Variants in ARVCF observed in about 807,000 individuals in gnomAD.
The protein encoded by ARVCF is splicing regulator ARVCF.
A neutral mutation model predicts 90.9 loss-of-function variants in ARVCF; 66 were observed. The observed-to-expected ratio is 0.73, with a 90% CI of 0.60 to 0.89. The LOEUF is 0.89. Among genes scored for constraint, ARVCF ranks in the 40% least tolerant of loss-of-function variants. ARVCF has a pLI of 0.00. For missense variants in ARVCF, 1,469 were observed against 1,382.3 expected, an observed-to-expected ratio of 1.06 and a Z score of -1.00; for synonymous variants, 653 against 603.4, an observed-to-expected ratio of 1.08 and a Z score of -1.21.
At chr22:19,978,149 T>C in intron 7 of ARVCF, 74 bp from the exon 8 acceptor site, 1 of 1,402,196 alleles carries the variant, frequency 7.1e-7, no homozygotes, top group Non-Finnish European at 9.7e-7. Context: ...CCTTGTGGGC[T>C]TGTCTTCATC....
chr22:20,016,558 T>A (rs1945191801), intron 1 of ARVCF, 31 bp downstream of exon 1: 1 of 150,138 alleles, frequency 6.7e-6, no homozygotes, highest in South Asian at 2.1e-4. Context: ...CAGCCCCGGG[T>A]CCCACACCCC....
intron 2 of ARVCF, among the ~76,000 whole-genome samples, chr22:19,994,798 A>G (rs1251653656): frequency 6.7e-6 from 1 of 148,948 alleles, no homozygotes; most frequent in Non-Finnish European, 1.5e-5. Flanking sequence ...GTGGGAGATG[A>G]AGATATAGAT....
chr22:19,991,967 G>A (rs910975991), intron 2 of ARVCF, among the ~76,000 whole-genome samples: 4 of 152,360 alleles, frequency 2.6e-5, no homozygotes, highest in African/African-American at 7.2e-5. Context: ...GGCCCTCCAC[G>A]GGGAGGACAC....
chr22:19,971,311 GA>G lies in ARVCF; in HGVS notation c.2805del (p.Ser940AlafsTer11). 6.4e-7 allele frequency: 1 copy of G among 1,555,674 alleles called. No homozygotes were observed. ...PLKLDPSRKA[P>X]PPGPSRPAVR... Reference sequence around the variant, plus strand: ...ACCGCGGGCCTGCTGGGCCCGGGGGGAGGGGCCTTCCTGCTGGGGTCGAGCT... The same window carrying G: ...ACCGCGGGCCTGCTGGGCCCGGGGGGGGGGCCTTCCTGCTGGGGTCGAGCT... On this transcript the variant is annotated frameshift_variant, in exon 19 of 20. Transcript: ENST00000263207. LOFTEE classifies it high-confidence loss of function.
chr22:20,016,418 T>C (rs1047589232), intron 1 of ARVCF, among the ~76,000 whole-genome samples, 171 bp downstream of exon 1: 1 of 151,926 alleles, frequency 6.6e-6, no homozygotes, highest in Non-Finnish European at 1.5e-5. Flanking sequence ...GGGCGGAGAT[T>C]GGCTCCGACG....
At position 19,973,260 on chromosome 22, in the gene ARVCF, C is replaced by T. The variant is rs763549063; in HGVS notation, c.2297G>A (p.Arg766Gln). Reference protein sequence around the residue: ...RNVRNAQAPPRPGACLEEDTV... With the variant: ...RNVRNAQAPPQPGACLEEDTV... Reference sequence around the variant, plus strand: ...GTCTTCCTCCAGGCAGGCCCCCGGTCGCGGCGGAGCCTGTGCATTGCGCAC... The same window carrying T: ...GTCTTCCTCCAGGCAGGCCCCCGGTTGCGGCGGAGCCTGTGCATTGCGCAC... Residue 766 changes from arginine to glutamine, a missense_variant, in exon 14 of 20, where the codon CGA (arginine) becomes CAA (glutamine). Coordinates refer to ENST00000263207, the MANE Select transcript of ARVCF (RefSeq NM_001670.3). The T allele has an allele frequency of 1.9e-6, 3 of 1,608,880 alleles. No homozygotes were observed. Among genetic ancestry groups the T allele is most frequent in the East Asian group, 2.2e-5 (1 of 44,700 alleles).
At chr22:20,005,333 C>T (rs922043038) in intron 2 of ARVCF, among the ~76,000 whole-genome samples, 1 of 148,118 alleles carries the variant, frequency 6.8e-6, no homozygotes, top group Non-Finnish European at 1.5e-5. Flanking sequence ...ATCAAGGCTG[C>T]AATGAAATAT....
rs775967640 is a variant in ARVCF at position 19,979,038 on chromosome 22, A to G, written c.1439T>C (p.Val480Ala). The change falls in exon 7 of 20, where the codon GTC (valine) becomes GCC (alanine). Residue 480 changes from valine to alanine, a missense_variant. Val to Ala is a moderately conservative substitution (Grantham distance 64). Transcript: ENST00000263207. ...CGTCTGCAGGCCATGGTCAATGATGACCATCTTCAGGGGCTCATAGGATGA... is the reference window on the plus strand; with the variant it reads ...CGTCTGCAGGCCATGGTCAATGATGGCCATCTTCAGGGGCTCATAGGATGA... ...NLSSYEPLKMVIIDHGLQTLT... is the reference protein window; with the variant it reads ...NLSSYEPLKMAIIDHGLQTLT... The G allele has an allele frequency of 6.2e-7, 1 of 1,613,282 alleles. No individual in the cohort carries two copies.
At chr22:19,987,061 C>A in intron 3 of ARVCF, 1 of 644,346 alleles carries the variant, frequency 1.6e-6, no homozygotes, top group South Asian at 1.7e-5. Flanking sequence ...CCCAAGCCAA[C>A]TTCCCTCCAA....
Position 19,988,356 on chromosome 22 carries a change from C to T in ARVCF, c.210+2229G>A, listed in dbSNP as rs12628353. Reference sequence around the variant, plus strand: ...GCAGAGCGCAGAAGACCAGACACTGCGCCAAAAACGCGCCCGCATCTTATC... The same window carrying T: ...GCAGAGCGCAGAAGACCAGACACTGTGCCAAAAACGCGCCCGCATCTTATC... On this transcript the variant is annotated intron_variant, in intron 3 of 19. Coordinates refer to ENST00000263207, the MANE Select transcript of ARVCF (RefSeq NM_001670.3). Among the ~76,000 whole-genome samples, 24 of 152,342 alleles carry T rather than the reference C, an allele frequency of 1.6e-4. No individual in the cohort carries two copies. In the East Asian group the frequency reaches 3.9e-3, roughly 24 times the overall value.
intron 6 of ARVCF, 183 bp from the exon 7 acceptor site, chr22:19,979,263 GCC>G: frequency 1.5e-6 from 1 of 663,408 alleles, no homozygotes; most frequent in Non-Finnish European, 2.5e-6. Context: ...CTAGGAAGGA[GCC>G]CCAAAGGGGA....
chr22:20,002,202 T>G (rs1467730074), intron 2 of ARVCF, among the ~76,000 whole-genome samples: 2 of 152,232 alleles, frequency 1.3e-5, no homozygotes, highest in Admixed American at 1.3e-4. Context: ...TGTGTCTACC[T>G]CTGGCTTTTA....
intron 14 of ARVCF, 30 bp from the exon 15 acceptor site, chr22:19,973,066 G>A (rs1298599177): frequency 1.2e-6 from 2 of 1,604,202 alleles, no homozygotes; most frequent in Non-Finnish European, 1.7e-6. Flanking sequence ...GTCAGTGGTG[G>A]CCCCTCCCCC....
chr22:20,006,315 C>T (rs902306039), intron 2 of ARVCF, among the ~76,000 whole-genome samples: 19 of 150,920 alleles, frequency 1.3e-4, no homozygotes, highest in East Asian at 3.9e-4. Context: ...TGGTGGCTCA[C>T]GCCTGTAATC....
chr22:19,978,036 G>A lies in ARVCF; in HGVS notation c.1620C>T (p.Leu540=), dbSNP rs1162311191. 6.2e-7 allele frequency: 1 copy of A among 1,611,612 alleles called. No individual in the cohort carries two copies. Among genetic ancestry groups the A allele is most frequent in the Non-Finnish European group, 8.5e-7 (1 of 1,179,410 alleles). ...SSDGAEARRR[L]RECEGLVDAL... ...CGTCCACCAGCCCTTCACACTCCCG[G>A]AGTCGCCGCCGGGCCTCAGCACCAT... is the stretch of plus-strand genomic sequence containing the variant. The change falls in exon 8 of 20, where the codon CTC becomes CTT. Residue 540 remains leucine, a synonymous_variant. Coordinates refer to ENST00000263207, the MANE Select transcript of ARVCF (RefSeq NM_001670.3).
chr22:20,003,786 C>T (rs910983075), intron 2 of ARVCF, among the ~76,000 whole-genome samples: 3 of 152,196 alleles, frequency 2.0e-5, no homozygotes, highest in Admixed American at 6.5e-5. Context: ...AGACTGAAAG[C>T]TTTTCTCCTA....
At chr22:20,001,976 G>T (rs1194345508) in intron 2 of ARVCF, among the ~76,000 whole-genome samples, 1 of 152,166 alleles carries the variant, frequency 6.6e-6, no homozygotes, top group Non-Finnish European at 1.5e-5. Context: ...ATGACAAGAG[G>T]ATGGTAGGAG....
chr22:19,972,450 C>T lies in ARVCF; in HGVS notation c.2642-39G>A, dbSNP rs375556189. ...GGAGGAGACGGGCTGCATGTGGCAG[C>T]CAGGGGGGATCGGGGCAGAGAAGCC... On this transcript the variant is annotated intron_variant, in intron 16 of 19. Coordinates refer to ENST00000263207, the MANE Select transcript of ARVCF (RefSeq NM_001670.3). 9.9e-6 allele frequency: 16 copies of T among 1,611,916 alleles called. No individual in the cohort carries two copies. The African/African-American group carries it at 2.1e-4, about 22-fold the overall frequency.
chr22:19,992,353 C>T (rs1050502637), intron 2 of ARVCF, among the ~76,000 whole-genome samples: 3 of 152,172 alleles, frequency 2.0e-5, no homozygotes, highest in Non-Finnish European at 4.4e-5. Flanking sequence ...GGCCGCCGCC[C>T]GAGACTGAGG....
Sources: gnomAD v4.1 joint callset for allele counts (sites outside exome capture counted in the v4.1 genomes callset) on GRCh38, gnomAD v4.1.1 for gene constraint, MANE v1.5 for transcripts, NCBI Gene and HGNC (gene_info 2026-07-23, HGNC 2026-07-21) for gene names.